The following LAMA2 variants were observed in gnomAD, a reference collection of about 807,000 sequenced individuals.
The protein encoded by LAMA2 is laminin subunit alpha 2, also known as laminin subunit alpha-2.
Under a neutral mutation model 364.8 loss-of-function variants are expected in LAMA2, and 269 were observed. The ratio of observed to expected loss-of-function variants is 0.74; its 90% CI spans 0.67 to 0.82. The LOEUF (loss-of-function observed/expected upper bound fraction) is 0.82. Ranked by LOEUF, LAMA2 falls within the 40% of genes least tolerant of loss-of-function variation. LAMA2 has a pLI of 0.00. For synonymous variants in LAMA2, 1,379 were observed against 1,370.6 expected, an observed-to-expected ratio of 1.01 and a Z score of -0.14; for missense variants, 3,807 against 3,873.2, an observed-to-expected ratio of 0.98 and a Z score of 0.45.
intron 3 of LAMA2, among the ~76,000 whole-genome samples, chr6:129,073,126 G>C (rs1773426393): frequency 6.6e-6 from 1 of 151,884 alleles, no homozygotes; most frequent in Non-Finnish European, 1.5e-5. Flanking sequence ...GTATAAAGTA[G>C]AATTTCTTGC....
intron 17 of LAMA2, among the ~76,000 whole-genome samples, chr6:129,272,003 T>C (rs1400324700): frequency 6.6e-6 from 1 of 152,188 alleles, no homozygotes; most frequent in Admixed American, 6.5e-5. Flanking sequence ...TTAATCCACA[T>C]GAAATGCTTA....
At chr6:128,961,994 T>A (rs1013229147) in intron 1 of LAMA2, among the ~76,000 whole-genome samples, 1 of 150,444 alleles carries the variant, frequency 6.6e-6, no homozygotes, top group Non-Finnish European at 1.5e-5. Context: ...AAATAACACT[T>A]CTTGCTGTGG....
rs150691000 is a variant in LAMA2 at position 129,401,309 on chromosome 6, G to A, written c.5531G>A (p.Arg1844His). ...AATGACATACTCGATGAAGCCAACC[G>A]TCTTGCAGATGAAATCAACTCCATC... Reference protein sequence around the residue: ...EGNDILDEANRLADEINSIID... With the variant: ...EGNDILDEANHLADEINSIID... The change falls in exon 38 of 65, where the codon CGT (arginine) becomes CAT (histidine). Residue 1844 changes from arginine (R) to histidine (H), a missense_variant. Transcript: ENST00000421865. 1.1e-4 allele frequency: 176 copies of A among 1,610,852 alleles called. 1 individual carries two copies. The African/African-American group carries it at 1.8e-3, about 16-fold the overall frequency.
chr6:129,292,178 C>G (rs1789751965), intron 20 of LAMA2, among the ~76,000 whole-genome samples: 1 of 152,112 alleles, frequency 6.6e-6, no homozygotes, highest in African/African-American at 2.4e-5. Flanking sequence ...AACACCATCT[C>G]TGCTAAAAAC....
At chr6:129,032,560 T>A (rs1347465110) in intron 1 of LAMA2, among the ~76,000 whole-genome samples, 1 of 152,188 alleles carries the variant, frequency 6.6e-6, no homozygotes, top group Non-Finnish European at 1.5e-5. Context: ...TAAGCCAGGA[T>A]AATCATTTTG....
At chr6:129,359,249 A>C (rs550177081) in intron 32 of LAMA2, among the ~76,000 whole-genome samples, 1 of 144,116 alleles carries the variant, frequency 6.9e-6, no homozygotes, top group Non-Finnish European at 1.5e-5. Flanking sequence ...AATTTTATTT[A>C]ATATATATAA....
intron 1 of LAMA2, among the ~76,000 whole-genome samples, chr6:128,998,547 T>G (rs1784155035): frequency 1.0e-5 from 1 of 99,802 alleles, no homozygotes; most frequent in South Asian, 3.2e-4. Flanking sequence ...GTGCGCACCG[T>G]GCGCGAGCCG....
At chr6:129,163,155 AC>A (rs1368953187) in intron 8 of LAMA2, among the ~76,000 whole-genome samples, 1 of 150,994 alleles carries the variant, frequency 6.6e-6, no homozygotes, top group African/African-American at 2.4e-5. Flanking sequence ...CTGTTTTTTG[AC>A]CAGTGTTTTT....
intron 12 of LAMA2, among the ~76,000 whole-genome samples, chr6:129,199,317 A>C (rs1421762085): frequency 1.3e-5 from 2 of 152,222 alleles, no homozygotes; most frequent in East Asian, 3.8e-4. Context: ...ATGTCTGAAA[A>C]ATTTTGAAAA....
At chr6:128,922,883 G>A (rs1778829685) in intron 1 of LAMA2, among the ~76,000 whole-genome samples, 1 of 151,832 alleles carries the variant, frequency 6.6e-6, no homozygotes, top group Non-Finnish European at 1.5e-5. Flanking sequence ...ATTGATTTTT[G>A]TATAAGGTGT....
At chr6:129,117,969 A>T (rs966772633) in intron 4 of LAMA2, among the ~76,000 whole-genome samples, 1 of 152,170 alleles carries the variant, frequency 6.6e-6, no homozygotes, top group Admixed American at 6.5e-5. Context: ...TGTGGATACT[A>T]CAGGATAGAT....
At chr6:129,243,176 A>T (rs1269681092) in intron 12 of LAMA2, among the ~76,000 whole-genome samples, 1 of 152,088 alleles carries the variant, frequency 6.6e-6, no homozygotes, top group African/African-American at 2.4e-5. Flanking sequence ...AACTCTTCAA[A>T]TTCTATTTAC....
intron 12 of LAMA2, among the ~76,000 whole-genome samples, chr6:129,249,180 C>T (rs1430591783): frequency 2.0e-5 from 3 of 152,090 alleles, no homozygotes; most frequent in South Asian, 2.1e-4. Flanking sequence ...CGTGAAAGGC[C>T]ATAGAGAGCC....
intron 40 of LAMA2, among the ~76,000 whole-genome samples, chr6:129,426,731 C>A (rs1160787454): frequency 6.6e-6 from 1 of 152,140 alleles, no homozygotes; most frequent in African/African-American, 2.4e-5. Context: ...TACCTGAAAG[C>A]TGTTAGAATA....
intron 3 of LAMA2, among the ~76,000 whole-genome samples, chr6:129,075,046 TA>T: frequency 6.6e-6 from 1 of 152,012 alleles, no homozygotes; most frequent in East Asian, 1.9e-4. Context: ...GGTTTTCAAG[TA>T]AACAATTTAG....
intron 2 of LAMA2, among the ~76,000 whole-genome samples, chr6:129,056,298 G>A (rs1275100993): frequency 6.6e-6 from 1 of 152,088 alleles, no homozygotes; most frequent in Non-Finnish European, 1.5e-5. Flanking sequence ...CATTTATTTG[G>A]TATTTAGTTA....
intron 1 of LAMA2, among the ~76,000 whole-genome samples, chr6:128,917,699 C>CTTTTTTT (rs113304257): frequency 5.0e-5 from 5 of 100,964 alleles, no homozygotes; most frequent in African/African-American, 8.2e-5. Context: ...TGTCCTTTTT[C>CTTTTTTT]TTTTTTTTTT....
At chr6:129,355,934 G>A (rs1777129766) in intron 32 of LAMA2, among the ~76,000 whole-genome samples, 1 of 151,998 alleles carries the variant, frequency 6.6e-6, no homozygotes, top group Admixed American at 6.6e-5. Context: ...TTTGCATATT[G>A]GTGAAAGGAA....
chr6:129,426,183 A>G (rs913374565), intron 40 of LAMA2, among the ~76,000 whole-genome samples: 1 of 152,142 alleles, frequency 6.6e-6, no homozygotes, highest in Non-Finnish European at 1.5e-5. Flanking sequence ...CTGAGCTTCA[A>G]AAATTCCTCT....
Sources: gnomAD v4.1 joint callset for allele counts (sites outside exome capture counted in the v4.1 genomes callset) on GRCh38, gnomAD v4.1.1 for gene constraint, MANE v1.5 for transcripts, NCBI Gene and HGNC (gene_info 2026-07-23, HGNC 2026-07-21) for gene names.